Variants in DPY19L1 observed in about 807,000 individuals in gnomAD.
DPY19L1 encodes dpy-19 like C-mannosyltransferase 1, also known as protein C-mannosyl-transferase DPY19L1.
A neutral mutation model predicts 96.9 loss-of-function variants in DPY19L1; 35 were observed. The ratio of observed to expected loss-of-function variants is 0.36; its 90% CI spans 0.28 to 0.48. DPY19L1 has a LOEUF of 0.48. DPY19L1 is among the 20% of genes least tolerant of loss of function. DPY19L1 has a pLI of 0.99. For synonymous variants in DPY19L1, 205 were observed against 252.6 expected (o/e 0.81, Z 1.79); for missense variants, 521 against 777.9 (o/e 0.67, Z 3.93).
chr7:34,958,151 C>T lies in DPY19L1; in HGVS notation c.1093-81G>A, dbSNP rs1784418850. 6.6e-6 allele frequency: 6 copies of T among 910,520 alleles called. No homozygotes were observed. The South Asian group carries it at 7.3e-5, about 11-fold the overall frequency. The allele number at this position is 910,520 out of a possible 1,614,324, so 56.4% of individuals were successfully genotyped here. A position where few individuals can be genotyped will look rare whatever the true frequency, so the allele number is the denominator to read the frequency against. On this transcript the variant is annotated intron_variant, in intron 10 of 21. Transcript: ENST00000638088. ...TTTTTTATTGTGAAAACTGCACATG[C>T]CCATAATAAACAAAATTCAAACTGT...
At chr7:34,934,346 G>A (rs1353908118) in intron 21 of DPY19L1, among the ~76,000 whole-genome samples, 7 of 152,080 alleles carry the variant, frequency 4.6e-5, no homozygotes, top group African/African-American at 1.7e-4. Flanking sequence ...ATTATTCTGG[G>A]ACTGTATACT....
chr7:35,013,538 GA>G, intron 4 of DPY19L1, 29 bp downstream of exon 4: 1 of 1,597,394 alleles, frequency 6.3e-7, no homozygotes, highest in East Asian at 2.3e-5. Context: ...TTACAAAAGT[GA>G]AAAATCACAA....
At chr7:34,994,800 T>C (rs1184448743) in intron 6 of DPY19L1, among the ~76,000 whole-genome samples, 1 of 146,032 alleles carries the variant, frequency 6.8e-6, no homozygotes, top group East Asian at 2.0e-4. Flanking sequence ...CAAGATTCCG[T>C]CTCAAAAAAA....
chr7:35,033,893 G>A (rs537538219), intron 1 of DPY19L1, among the ~76,000 whole-genome samples: 59 of 152,084 alleles, frequency 3.9e-4, no homozygotes, highest in African/African-American at 1.4e-3. Context: ...CACTACTGGG[G>A]AGATACCAGT....
chr7:35,015,103 G>A (rs1785811445), intron 3 of DPY19L1, among the ~76,000 whole-genome samples: 1 of 152,104 alleles, frequency 6.6e-6, no homozygotes, highest in South Asian at 2.1e-4. Flanking sequence ...CACCTAGCTT[G>A]TTGCACTTCT....
intron 7 of DPY19L1, among the ~76,000 whole-genome samples, chr7:34,984,656 A>G (rs1314156406): frequency 6.6e-6 from 1 of 152,214 alleles, no homozygotes; most frequent in Non-Finnish European, 1.5e-5. Context: ...TAGACACACC[A>G]GTGAATAGCC....
At chr7:34,933,451 A>G (rs2128779530) in intron 21 of DPY19L1, among the ~76,000 whole-genome samples, 1 of 152,358 alleles carries the variant, frequency 6.6e-6, no homozygotes, top group Non-Finnish European at 1.5e-5. Flanking sequence ...TTATATACAT[A>G]GATGCTGTGA....
chr7:34,953,068 C>T (rs1215173718), intron 13 of DPY19L1, among the ~76,000 whole-genome samples: 1 of 152,096 alleles, frequency 6.6e-6, no homozygotes, highest in African/African-American at 2.4e-5. Flanking sequence ...ACTACTGGAA[C>T]AGGCTGACCT....
chr7:34,976,898 C>A (rs1237055276), intron 7 of DPY19L1, among the ~76,000 whole-genome samples: 1 of 152,102 alleles, frequency 6.6e-6, no homozygotes, highest in Non-Finnish European at 1.5e-5. Context: ...ATTCTCCTGC[C>A]TCAGCCTCCC....
intron 6 of DPY19L1, chr7:35,000,698 C>T (rs1562822116): frequency 6.6e-6 from 1 of 152,154 alleles, no homozygotes; most frequent in Non-Finnish European, 1.5e-5. Context: ...ACCTCAGAAT[C>T]CTTCGGAAAT....
rs1412302614 is a variant in DPY19L1 at position 34,990,011 on chromosome 7, A to G, written c.765-70T>C. ...AATCCTAAGAAAAACCTTAAAACAC[A>G]TAATATCATAACCACTGGTATTATA... On this transcript the variant is annotated intron_variant, in intron 6 of 21. Transcript: ENST00000638088. 78 of 1,231,800 alleles carry G rather than the reference A, an allele frequency of 6.3e-5. 1 individual carries two copies. The highest frequency in any genetic ancestry group is 8.5e-5 in the Non-Finnish European group (74 of 865,986). 76.3% of individuals were successfully genotyped at this position (1,231,800 alleles called of 1,614,324 possible). A position where few individuals can be genotyped will look rare whatever the true frequency, so the allele number is the denominator to read the frequency against.
rs1384350726 is a variant in DPY19L1 at position 35,037,307 on chromosome 7, C to G, written c.88G>C (p.Ala30Pro). The G allele has an allele frequency of 2.0e-5, 7 of 349,340 alleles. No individual in the cohort carries two copies. The highest frequency in any genetic ancestry group is 3.6e-5 in the Non-Finnish European group (7 of 194,668). The allele number at this position is 349,340 out of a possible 1,614,324, so 21.6% of individuals were successfully genotyped here. ...GGCTCCCCGGCGCCGACGTCCGACG[C>G]CCCCCTCAGCGGCGACTGTGAGGCG... is the stretch of plus-strand genomic sequence containing the variant. ...PRASQSPLRGASDVGAGEPGP... is the reference protein window; with the variant it reads ...PRASQSPLRGPSDVGAGEPGP... The change falls in exon 1 of 22, where the codon GCG becomes CCG. Residue 30 changes from alanine (A) to proline (P), a missense_variant. By Grantham distance (27) the Ala-to-Pro change is conservative. Transcript: ENST00000638088.
chr7:34,957,979 C>A lies in DPY19L1; in HGVS notation c.1179+5G>T. Reference sequence around the variant, plus strand: ...ACAGCCATATAAGTGTTAAGGAATACTTACCCAAATAATTACCAAAGAAGA... The same window carrying A: ...ACAGCCATATAAGTGTTAAGGAATAATTACCCAAATAATTACCAAAGAAGA... On this transcript the variant is annotated splice_donor_5th_base_variant and intron_variant, in intron 11 of 21. Transcript: ENST00000638088. 1 of 1,553,984 alleles carries A rather than the reference C, an allele frequency of 6.4e-7. No homozygotes were observed. The highest frequency in any genetic ancestry group is 8.7e-7 in the Non-Finnish European group (1 of 1,145,200).
At chr7:34,991,090 GT>G (rs1268105718) in intron 6 of DPY19L1, among the ~76,000 whole-genome samples, 1 of 152,246 alleles carries the variant, frequency 6.6e-6, no homozygotes, top group East Asian at 1.9e-4. Flanking sequence ...CATATTAGTG[GT>G]AAGTACTTTG....
At chr7:35,013,764 C>A in intron 3 of DPY19L1, 59 bp from the exon 4 acceptor site, 1 of 1,358,868 alleles carries the variant, frequency 7.4e-7, no homozygotes, top group Non-Finnish European at 1.0e-6. Flanking sequence ...GATGCCACTT[C>A]TAAGTAAATA....
At chr7:34,985,542 A>G (rs921395591) in intron 7 of DPY19L1, among the ~76,000 whole-genome samples, 1 of 151,950 alleles carries the variant, frequency 6.6e-6, no homozygotes, top group African/African-American at 2.4e-5. Flanking sequence ...AAAAGGAAAG[A>G]TACAAATGGC....
At chr7:35,004,906 C>T (rs1015559515) in intron 6 of DPY19L1, among the ~76,000 whole-genome samples, 4 of 152,124 alleles carry the variant, frequency 2.6e-5, no homozygotes, top group Non-Finnish European at 5.9e-5. Context: ...TGTTCTGTCT[C>T]CCCCAGGATG....
At chr7:35,030,364 G>A (rs1405301399) in intron 1 of DPY19L1, among the ~76,000 whole-genome samples, 1 of 152,136 alleles carries the variant, frequency 6.6e-6, no homozygotes, top group African/African-American at 2.4e-5. Context: ...TAGGTAACAA[G>A]TTTTCAAAAG....
intron 7 of DPY19L1, among the ~76,000 whole-genome samples, chr7:34,982,586 T>C (rs1292887438): frequency 6.6e-6 from 1 of 152,190 alleles, no homozygotes; most frequent in African/African-American, 2.4e-5. Context: ...ATAGCCCAAG[T>C]GAAGATACAG....
Sources: allele counts gnomAD v4.1 joint callset (sites outside exome capture counted in the v4.1 genomes callset), GRCh38; gene constraint gnomAD v4.1.1; transcripts MANE v1.5; gene names NCBI Gene and HGNC (gene_info 2026-07-23, HGNC 2026-07-21).